SORCS2: variants seen among roughly 807,000 people sequenced by gnomAD.
SORCS2 encodes sortilin related VPS10 domain containing receptor 2.
A neutral mutation model predicts 141.6 loss-of-function variants in SORCS2; 100 were observed. The observed-to-expected ratio is 0.71, with a 90% CI of 0.60 to 0.83. The LOEUF is 0.83. SORCS2 is among the 40% of genes least tolerant of loss of function. The probability of loss-of-function intolerance (pLI) is 0.00; values close to 1 mark genes in which losing one functional copy is unlikely to be tolerated. For missense variants in SORCS2, 1,646 were observed against 1,560.2 expected, an observed-to-expected ratio of 1.05 and a Z score of -0.93; for synonymous variants, 789 against 676.9, an observed-to-expected ratio of 1.17 and a Z score of -2.57.
rs930247904 is a variant in SORCS2 at position 7,192,682 on chromosome 4, C to T, written c.36C>T (p.Gly12=). 2.0e-6 allele frequency: 2 copies of T among 988,466 alleles called. No homozygotes were observed. The highest frequency in any genetic ancestry group is 1.8e-5 in the African/African-American group (1 of 56,812). The allele number at this position is 988,466 out of a possible 1,614,324, so 61.2% of individuals were successfully genotyped here. A position where few individuals can be genotyped will look rare whatever the true frequency, so the allele number is the denominator to read the frequency against. The change falls in exon 1 of 27, where the codon GGC becomes GGT. Residue 12 remains glycine, a synonymous_variant. Transcript: ENST00000507866. This position sits in a 1 kb window ranked among gnomAD's most constrained non-coding sequence, Gnocchi z 4.0. ...AHRGPSRASK[G]PGPTARAPSP... Reference sequence around the variant, plus strand: ...GGGGGCCCTCGCGCGCCTCGAAGGGCCCCGGCCCCACCGCCCGAGCCCCGA... The same window carrying T: ...GGGGGCCCTCGCGCGCCTCGAAGGGTCCCGGCCCCACCGCCCGAGCCCCGA...
At chr4:7,377,650 C>A (rs540849982) in intron 1 of SORCS2, among the ~76,000 whole-genome samples, 188 of 152,334 alleles carry the variant, frequency 1.2e-3, no homozygotes, top group African/African-American at 4.4e-3. Context: ...GGCGGCAGGG[C>A]TCTCCTTCAC....
chr4:7,629,976 C>A (rs1449234451), intron 3 of SORCS2, among the ~76,000 whole-genome samples: 4 of 152,178 alleles, frequency 2.6e-5, no homozygotes, highest in African/African-American at 9.7e-5. Flanking sequence ...CCAAGATGTC[C>A]TTGACATCTG....
chr4:7,399,594 T>C (rs1407962873), intron 2 of SORCS2, among the ~76,000 whole-genome samples: 2 of 152,042 alleles, frequency 1.3e-5, no homozygotes, highest in African/African-American at 4.8e-5. Context: ...CTTGAATCGG[T>C]GCAAAAGGCT....
intron 2 of SORCS2, among the ~76,000 whole-genome samples, chr4:7,446,152 G>A (rs1009218675): frequency 4.7e-5 from 7 of 148,062 alleles, no homozygotes; most frequent in Non-Finnish European, 1.0e-4. Flanking sequence ...GGGTTGGAGG[G>A]ATGGGGATAA....
chr4:7,206,082 A>G (rs1260244806), intron 1 of SORCS2, among the ~76,000 whole-genome samples: 1 of 152,120 alleles, frequency 6.6e-6, no homozygotes, highest in African/African-American at 2.4e-5. Context: ...AAACAAAAAA[A>G]CAAAAACACC....
At chr4:7,454,798 T>C (rs936017004) in intron 2 of SORCS2, among the ~76,000 whole-genome samples, 7 of 126,760 alleles carry the variant, frequency 5.5e-5, no homozygotes, top group Non-Finnish European at 9.6e-5. Context: ...GGTCTGGTGC[T>C]GTGTTGGGGT....
intron 26 of SORCS2, 148 bp from the exon 27 acceptor site, chr4:7,740,052 C>T: frequency 1.5e-6 from 1 of 661,428 alleles, no homozygotes. Context: ...CGCGGAGACC[C>T]CCTGCACCTG....
intron 1 of SORCS2, among the ~76,000 whole-genome samples, chr4:7,244,184 C>T (rs776381311): frequency 1.2e-4 from 19 of 152,210 alleles, no homozygotes; most frequent in Non-Finnish European, 2.1e-4. Flanking sequence ...CCAGAACCTG[C>T]CAATCTCCGT....
intron 4 of SORCS2, among the ~76,000 whole-genome samples, chr4:7,644,852 A>G (rs181459173): frequency 1.3e-5 from 2 of 152,276 alleles, no homozygotes; most frequent in East Asian, 1.9e-4. Flanking sequence ...CTTCCACAGG[A>G]TGCACCCATG....
Position 7,396,208 on chromosome 4 carries a change from C to T in SORCS2, c.481-80C>T, listed in dbSNP as rs116345572. On this transcript the variant is annotated intron_variant, in intron 1 of 26. Transcript: ENST00000507866. ...TATTTAGAGACCCCAAATTCTGGCA[C>T]GGAGTGGTGTCACTGTACCTCTCTT... 1.8e-3 allele frequency: 2,453 copies of T among 1,367,982 alleles called. 35 individuals are homozygous for T. In the African/African-American group the frequency reaches 0.031, roughly 17 times the overall value. 84.7% of individuals were successfully genotyped at this position (1,367,982 alleles called of 1,614,324 possible).
chr4:7,509,639 G>A (rs1732491756), intron 2 of SORCS2, among the ~76,000 whole-genome samples: 1 of 152,222 alleles, frequency 6.6e-6, no homozygotes, highest in Non-Finnish European at 1.5e-5. Context: ...AGGAAGAAGG[G>A]GCCTTGTGGG....
chr4:7,306,251 G>T (rs1717824413), intron 1 of SORCS2, among the ~76,000 whole-genome samples: 1 of 152,194 alleles, frequency 6.6e-6, no homozygotes, highest in African/African-American at 2.4e-5. Flanking sequence ...TCGGCTGGCT[G>T]GCTCAGGGCA....
intron 23 of SORCS2, among the ~76,000 whole-genome samples, chr4:7,731,462 A>G (rs1266675314): frequency 6.6e-6 from 1 of 152,216 alleles, no homozygotes; most frequent in East Asian, 1.9e-4. Flanking sequence ...AATAGAAAAA[A>G]AAATCCTAAA....
intron 2 of SORCS2, among the ~76,000 whole-genome samples, chr4:7,469,307 A>T (rs933523963): frequency 1.3e-5 from 2 of 150,364 alleles, no homozygotes; most frequent in Admixed American, 6.6e-5. Context: ...ACAATGATGT[A>T]CCTCATAGCA....
intron 2 of SORCS2, among the ~76,000 whole-genome samples, chr4:7,527,048 G>A (rs867567227): frequency 6.6e-5 from 10 of 152,178 alleles, no homozygotes; most frequent in Non-Finnish European, 1.0e-4. Flanking sequence ...GCGGCCCTGC[G>A]GGTCAGTGGT....
At chr4:7,584,605 C>G (rs539285642) in intron 3 of SORCS2, among the ~76,000 whole-genome samples, 3 of 152,298 alleles carry the variant, frequency 2.0e-5, no homozygotes, top group East Asian at 3.9e-4. Context: ...TACTCTCACT[C>G]TAAGAAACCA....
chr4:7,284,187 A>G (rs1716066511), intron 1 of SORCS2, among the ~76,000 whole-genome samples: 5 of 152,108 alleles, frequency 3.3e-5, no homozygotes, highest in African/African-American at 1.2e-4. Context: ...GCCATTTTCA[A>G]CTGGGACAGG....
intron 1 of SORCS2, among the ~76,000 whole-genome samples, chr4:7,345,925 C>G (rs765252295): frequency 2.0e-5 from 3 of 152,218 alleles, no homozygotes; most frequent in Non-Finnish European, 4.4e-5. Context: ...GCCATCTTGT[C>G]TCTGGCCAAC....
chr4:7,418,163 A>G (rs887736893), intron 2 of SORCS2, among the ~76,000 whole-genome samples: 2 of 151,904 alleles, frequency 1.3e-5, no homozygotes, highest in African/African-American at 4.8e-5. Flanking sequence ...CGCTCAGCAC[A>G]TTTCAGGTGT....
Sources: allele counts gnomAD v4.1 joint callset (sites outside exome capture counted in the v4.1 genomes callset), GRCh38; gene constraint gnomAD v4.1.1; non-coding constraint Gnocchi (gnomAD v3.1); transcripts MANE v1.5; gene names NCBI Gene and HGNC (gene_info 2026-07-23, HGNC 2026-07-21).